The following CHRM3 variants were observed in gnomAD, a reference collection of about 807,000 sequenced individuals.
CHRM3 encodes the protein muscarinic acetylcholine receptor M3.
In CHRM3, 11 loss-of-function variants were observed where a neutral mutation model predicts 41.8. That is an observed-to-expected ratio of 0.26 (90% CI 0.17 to 0.44). The LOEUF is 0.44. Among genes scored for constraint, CHRM3 ranks in the 20% least tolerant of loss-of-function variants. CHRM3 has a pLI of 1.00. For missense variants in CHRM3, 571 were observed against 745.4 expected (o/e 0.77, Z 2.72); for synonymous variants, 297 against 301.4 (o/e 0.99, Z 0.15).
At chr1:239,397,976 G>A (rs1659640879) in intron 1 of CHRM3, among the ~76,000 whole-genome samples, 1 of 151,838 alleles carries the variant, frequency 6.6e-6, no homozygotes, top group African/African-American at 2.4e-5. Context: ...ATTTTGGAGA[G>A]ATAAGTCTTC....
At chr1:239,789,232 T>TG (rs1669151535) in intron 5 of CHRM3, among the ~76,000 whole-genome samples, 1 of 152,198 alleles carries the variant, frequency 6.6e-6, no homozygotes, top group African/African-American at 2.4e-5. Flanking sequence ...CACTGGCCAG[T>TG]GCTCAAATTA....
intron 5 of CHRM3, among the ~76,000 whole-genome samples, chr1:239,755,220 A>G (rs1214261124): frequency 6.6e-6 from 1 of 152,184 alleles, no homozygotes; most frequent in Non-Finnish European, 1.5e-5. Context: ...ACCATCAGGG[A>G]TGTTGTGATC....
chr1:239,544,331 C>T (rs1659081839), intron 2 of CHRM3, among the ~76,000 whole-genome samples: 1 of 152,236 alleles, frequency 6.6e-6, no homozygotes, highest in African/African-American at 2.4e-5. Context: ...ATGGAAGTCC[C>T]GTTAGGAAGC....
chr1:239,835,760 C>T (rs1201764191), intron 6 of CHRM3, among the ~76,000 whole-genome samples: 1 of 152,170 alleles, frequency 6.6e-6, no homozygotes, highest in African/African-American at 2.4e-5. Context: ...TGTGTGTGCA[C>T]TGGGTCGCAA....
intron 5 of CHRM3, among the ~76,000 whole-genome samples, chr1:239,749,999 T>C (rs1223574010): frequency 1.3e-5 from 2 of 152,206 alleles, no homozygotes; most frequent in Admixed American, 1.3e-4. Context: ...GTTTAAGGAA[T>C]AATTATTCAA....
chr1:239,404,413 A>AGAAAGAAAGAAG lies in CHRM3; in HGVS notation c.-521+17197_-521+17198insGGAAAGAAAGAA, dbSNP rs1558195780. Reference sequence around the variant, plus strand: ...GAAAGAAAGAAAGAAAGAAAGAAAAAGAAAGAAAGAAAGAAAGAAAGAAAG... The same window carrying AGAAAGAAAGAAG: ...GAAAGAAAGAAAGAAAGAAAGAAAAAGAAAGAAAGAAGGAAAGAAAGAAAGAAAGAAAGAAAG... On this transcript the variant is annotated intron_variant, in intron 1 of 6. Coordinates refer to ENST00000676153, the MANE Select transcript of CHRM3 (RefSeq NM_001375978.1). Among the ~76,000 whole-genome samples the AGAAAGAAAGAAG allele has an allele frequency of 3.0e-3, 144 of 48,648 alleles. 3 individuals are homozygous for AGAAAGAAAGAAG. The highest frequency in any genetic ancestry group is 0.011 in the African/African-American group (138 of 12,768). The allele number at this position is 48,648 out of a possible 152,430, so 31.9% of individuals were successfully genotyped here. A position where few individuals can be genotyped will look rare whatever the true frequency, so the allele number is the denominator to read the frequency against.
In CHRM3 at chr1:239,491,705, G is replaced by A. The variant is rs530740719; in HGVS notation, c.-520-1004G>A. Among the ~76,000 whole-genome samples the A allele has an allele frequency of 3.9e-5, 6 of 152,342 alleles. No homozygotes were observed. The East Asian group carries it at 7.7e-4, about 20-fold the overall frequency. On this transcript the variant is annotated intron_variant, in intron 1 of 6. Transcript: ENST00000676153. The stretch of plus-strand genomic sequence containing the variant: ...ATTTCCTCTGGATATGTGGCCCATA[G>A]TGGGATTGCTGGATCATATGGTAGT...
At chr1:239,746,624 A>G (rs1665380455) in intron 5 of CHRM3, among the ~76,000 whole-genome samples, 1 of 152,206 alleles carries the variant, frequency 6.6e-6, no homozygotes, top group African/African-American at 2.4e-5. Flanking sequence ...TTTCTGTCTC[A>G]TCCCTGGTCA....
chr1:239,547,882 CA>C (rs147999012), intron 3 of CHRM3, among the ~76,000 whole-genome samples: 6,081 of 149,836 alleles, frequency 0.041, 430 homozygotes, highest in African/African-American at 0.14. Context: ...ACTGAAATGA[CA>C]AAAAAAAGTG....
intron 5 of CHRM3, among the ~76,000 whole-genome samples, chr1:239,726,090 T>A (rs978330718): frequency 6.6e-6 from 1 of 151,944 alleles, no homozygotes; most frequent in Non-Finnish European, 1.5e-5. Context: ...TGTCTATGAC[T>A]GCTTGTGCAC....
chr1:239,855,801 G>A (rs924169771), intron 6 of CHRM3, among the ~76,000 whole-genome samples: 3 of 152,068 alleles, frequency 2.0e-5, no homozygotes, highest in African/African-American at 7.2e-5. Flanking sequence ...AATTTACATT[G>A]TGATAATCTT....
intron 2 of CHRM3, among the ~76,000 whole-genome samples, chr1:239,543,357 T>C (rs1245407816): frequency 6.6e-6 from 1 of 152,132 alleles, no homozygotes; most frequent in East Asian, 1.9e-4. Flanking sequence ...AGATGGTTAT[T>C]GCATTGCCCC....
At chr1:239,598,264 G>A (rs1665049291) in intron 3 of CHRM3, among the ~76,000 whole-genome samples, 1 of 151,804 alleles carries the variant, frequency 6.6e-6, no homozygotes, top group Non-Finnish European at 1.5e-5. Context: ...CCAGCAGAGG[G>A]GCTTAAATCT....
chr1:239,797,641 A>G (rs1031450908), intron 5 of CHRM3, among the ~76,000 whole-genome samples: 2 of 152,184 alleles, frequency 1.3e-5, no homozygotes, highest in African/African-American at 4.8e-5. Context: ...AAGCATTTTA[A>G]AAGCTGTATT....
intron 1 of CHRM3, among the ~76,000 whole-genome samples, chr1:239,477,246 A>G (rs1666528059): frequency 6.6e-6 from 1 of 152,202 alleles, no homozygotes; most frequent in East Asian, 1.9e-4. Context: ...TCAATTCTAA[A>G]ATTGAGGCAA....
chr1:239,794,019 G>T (rs1355955394), intron 5 of CHRM3, among the ~76,000 whole-genome samples: 1 of 151,764 alleles, frequency 6.6e-6, no homozygotes, highest in East Asian at 1.9e-4. Context: ...TTGCCCTGTT[G>T]CCCAGGCTGG....
At chr1:239,783,870 CACT>C (rs1296696578) in intron 5 of CHRM3, among the ~76,000 whole-genome samples, 1 of 152,140 alleles carries the variant, frequency 6.6e-6, no homozygotes, top group Non-Finnish European at 1.5e-5. Context: ...CCACTCTACC[CACT>C]GTGGTAGTCC....
At chr1:239,809,349 TAGA>T (rs1278954576) in intron 5 of CHRM3, among the ~76,000 whole-genome samples, 3 of 151,972 alleles carry the variant, frequency 2.0e-5, no homozygotes. Flanking sequence ...CCAAAGGCCT[TAGA>T]AGGTCAACTT....
rs886913576 is a variant in CHRM3 at position 239,911,983 on chromosome 1, C to T, written c.*2759C>T. ...CATTACAGGAGATATTCAGCACTTA[C>T]CTAAGATCAAAATGTCTTCATCCCA... On this transcript the variant is annotated 3_prime_UTR_variant, in exon 7 of 7. Coordinates refer to ENST00000676153, the MANE Select transcript of CHRM3 (RefSeq NM_001375978.1). The T allele has an allele frequency of 1.3e-4, 21 of 167,042 alleles. No individual in the cohort carries two copies. Among genetic ancestry groups the T allele is most frequent in the Non-Finnish European group, 2.9e-4 (20 of 68,118 alleles). The allele number at this position is 167,042 out of a possible 1,614,324, so 10.3% of individuals were successfully genotyped here.
Sources: allele counts gnomAD v4.1 joint callset (sites outside exome capture counted in the v4.1 genomes callset), GRCh38; gene constraint gnomAD v4.1.1; transcripts MANE v1.5; gene names NCBI Gene and HGNC (gene_info 2026-07-23, HGNC 2026-07-21).